PIK3R5: variants seen among roughly 807,000 people sequenced by gnomAD.
PIK3R5 encodes the protein phosphoinositide 3-kinase regulatory subunit 5.
In PIK3R5, 32 loss-of-function variants were observed where a neutral mutation model predicts 94.9. That is an observed-to-expected ratio of 0.34 (90% CI 0.25 to 0.45). PIK3R5 has a LOEUF of 0.45. Among genes scored for constraint, PIK3R5 ranks in the 20% least tolerant of loss-of-function variants. The pLI, the probability that PIK3R5 is intolerant of heterozygous loss-of-function variation, is 1.00. For missense variants in PIK3R5, 853 were observed against 1,144.6 expected, an observed-to-expected ratio of 0.75 and a Z score of 3.68; for synonymous variants, 443 against 479.4, an observed-to-expected ratio of 0.92 and a Z score of 0.99.
In PIK3R5 at chr17:8,911,562, C is replaced by T; in HGVS notation, c.-13-55G>A. The stretch of plus-strand genomic sequence containing the variant: ...GTCGAGCTCCTTTCCCAGAGAGCAC[C>T]TGGTCCAGTAAAGACAACAGGTGCT... On this transcript the variant is annotated intron_variant, in intron 1 of 18. Coordinates refer to ENST00000447110, the MANE Select transcript of PIK3R5 (RefSeq NM_001142633.3). The surrounding 1 kb of genome is among the most constrained non-coding windows in gnomAD (Gnocchi z 5.3). 8.3e-7 allele frequency: 1 copy of T among 1,203,798 alleles called. No homozygotes were observed. The highest frequency in any genetic ancestry group is 1.2e-6 in the Non-Finnish European group (1 of 836,060). The allele number at this position is 1,203,798 out of a possible 1,614,324, so 74.6% of individuals were successfully genotyped here. A position where few individuals can be genotyped will look rare whatever the true frequency, so the allele number is the denominator to read the frequency against.
intron 1 of PIK3R5, among the ~76,000 whole-genome samples, chr17:8,929,047 T>C (rs1289890331): frequency 6.6e-6 from 1 of 152,168 alleles, no homozygotes; most frequent in Non-Finnish European, 1.5e-5. Flanking sequence ...TGGACTGTGA[T>C]AAGTAACAAT....
chr17:8,879,004 T>C lies in PIK3R5; in HGVS notation c.*1635A>G, dbSNP rs2089594250. 6.6e-6 allele frequency: 1 copy of C among 152,162 alleles called. No homozygotes were observed. Among genetic ancestry groups the C allele is most frequent in the South Asian group, 2.1e-4 (1 of 4,830 alleles). 9.4% of individuals were successfully genotyped at this position (152,162 alleles called of 1,614,324 possible). A position where few individuals can be genotyped will look rare whatever the true frequency, so the allele number is the denominator to read the frequency against. ...CTGTTGATCACATAATAAGACAACC[T>C]GCCCATACAGCAAAAACATATTGAA... is the stretch of plus-strand genomic sequence containing the variant. On this transcript the variant is annotated 3_prime_UTR_variant, in exon 19 of 19. Coordinates refer to ENST00000447110, the MANE Select transcript of PIK3R5 (RefSeq NM_001142633.3). The surrounding 1 kb of genome is among the most constrained non-coding windows in gnomAD (Gnocchi z 4.4).
At chr17:8,917,747 T>C (rs2090658642) in intron 1 of PIK3R5, among the ~76,000 whole-genome samples, 1 of 152,092 alleles carries the variant, frequency 6.6e-6, no homozygotes, top group African/African-American at 2.4e-5. Context: ...GCGCCTGTAG[T>C]CCCAGCTACT....
At chr17:8,952,236 C>T (rs1029573093) in intron 1 of PIK3R5, among the ~76,000 whole-genome samples, 10 of 152,236 alleles carry the variant, frequency 6.6e-5, no homozygotes, top group African/African-American at 1.9e-4. Flanking sequence ...TATTTTGGGT[C>T]TCTCCAATCC....
intron 1 of PIK3R5, among the ~76,000 whole-genome samples, chr17:8,964,021 C>A (rs138897368): frequency 2.0e-5 from 3 of 152,160 alleles, no homozygotes; most frequent in Non-Finnish European, 4.4e-5. Flanking sequence ...CGAGGAAACA[C>A]GGAAGCCAGC....
intron 5 of PIK3R5, among the ~76,000 whole-genome samples, chr17:8,897,187 G>A (rs565281219): frequency 5.9e-5 from 9 of 152,328 alleles, no homozygotes; most frequent in East Asian, 3.9e-4. Flanking sequence ...GGTGAAGCAC[G>A]GATTTCAGGT....
rs746332383 is a variant in PIK3R5, at chr17:8,896,529, G to A, written c.413-2874C>T. The stretch of plus-strand genomic sequence containing the variant: ...TTGAGAGAAGTCACCCCATACAGGC[G>A]AAGAACGGGGTGAGTGGGCAGAACA... On this transcript the variant is annotated intron_variant, in intron 5 of 18. Coordinates refer to ENST00000447110, the MANE Select transcript of PIK3R5 (RefSeq NM_001142633.3). This position sits in a 1 kb window ranked among gnomAD's most constrained non-coding sequence, Gnocchi z 4.0. Among the ~76,000 whole-genome samples, 8 of 152,194 alleles carry A rather than the reference G, an allele frequency of 5.3e-5. No individual in the cohort carries two copies. The highest frequency in any genetic ancestry group is 9.7e-5 in the African/African-American group (4 of 41,444).
intron 1 of PIK3R5, among the ~76,000 whole-genome samples, chr17:8,929,840 A>G (rs1171553626): frequency 1.3e-5 from 2 of 152,186 alleles, no homozygotes; most frequent in Non-Finnish European, 2.9e-5. Flanking sequence ...GTGAGGGATG[A>G]AAAACCAACT....
chr17:8,890,767 C>T lies in PIK3R5; in HGVS notation c.628G>A (p.Asp210Asn). The T allele has an allele frequency of 1.2e-6, 2 of 1,611,776 alleles. No individual in the cohort carries two copies. The highest frequency in any genetic ancestry group is 1.1e-5 in the South Asian group (1 of 90,540). Residue 210 changes from aspartate (D) to asparagine (N), a missense_variant, in exon 7 of 19, where the codon GAC becomes AAC. Asp to Asn is a conservative substitution (Grantham distance 23). This residue lies in a region of PIK3R5 where 161 missense variants were observed against 249.5 expected (regional missense o/e 0.65). Coordinates refer to ENST00000447110, the MANE Select transcript of PIK3R5 (RefSeq NM_001142633.3). This position sits in a 1 kb window ranked among gnomAD's most constrained non-coding sequence, Gnocchi z 6.1. ...AFQATFGAHC[D>N]VPGLHCRLQA... Reference sequence around the variant, plus strand: ...AGCCTGCAGTGCAGGCCCGGGACGTCACAGTGGGCCCCAAAGGTGGCCTGG... The same window carrying T: ...AGCCTGCAGTGCAGGCCCGGGACGTTACAGTGGGCCCCAAAGGTGGCCTGG...
intron 1 of PIK3R5, among the ~76,000 whole-genome samples, chr17:8,957,908 G>C (rs889401647): frequency 6.6e-6 from 1 of 152,226 alleles, no homozygotes; most frequent in African/African-American, 2.4e-5. Context: ...GTCACAGGGC[G>C]TGGGAGAAGG....
At chr17:8,901,887 T>C (rs948381910) in intron 5 of PIK3R5, among the ~76,000 whole-genome samples, 3 of 152,212 alleles carry the variant, frequency 2.0e-5, no homozygotes, top group Non-Finnish European at 4.4e-5. Context: ...AAGGATGCGT[T>C]GATGAACGTC....
intron 1 of PIK3R5, among the ~76,000 whole-genome samples, chr17:8,928,593 T>C (rs2090933008): frequency 6.6e-6 from 1 of 152,164 alleles, no homozygotes; most frequent in Non-Finnish European, 1.5e-5. Context: ...TAGAAGGAAG[T>C]GGAATAACAT....
intron 1 of PIK3R5, among the ~76,000 whole-genome samples, chr17:8,960,667 G>T (rs1597441781): frequency 6.6e-6 from 1 of 152,212 alleles, no homozygotes; most frequent in East Asian, 1.9e-4. Flanking sequence ...AAGATCACGT[G>T]GCTAGGAGTT....
chr17:8,922,644 A>T (rs1229203492), intron 1 of PIK3R5, among the ~76,000 whole-genome samples: 1 of 152,114 alleles, frequency 6.6e-6, no homozygotes, highest in Non-Finnish European at 1.5e-5. Context: ...TTGCATAAAA[A>T]TTGGCTGAGT....
chr17:8,933,367 A>G (rs2091019365), intron 1 of PIK3R5, among the ~76,000 whole-genome samples: 1 of 152,194 alleles, frequency 6.6e-6, no homozygotes, highest in African/African-American at 2.4e-5. Context: ...AATATTTTTA[A>G]ATAATGAAGA....
At position 8,905,693 on chromosome 17, in the gene PIK3R5, C is replaced by T. The variant is rs773267811; in HGVS notation, c.249G>A (p.Leu83=). The change falls in exon 4 of 19, where the codon CTG becomes CTA. Residue 83 remains leucine, a synonymous_variant. Transcript: ENST00000447110. ...CACAAAGAACAGTGGAATAGAAGAG[C>T]AGGGCCAGCGGGGTGAGCAGGTCGT... ...GTYDLLTPLA[L]LFYSTVLCTP... is the part of the protein sequence containing the mutation. 44 of 1,606,594 alleles carry T rather than the reference C, an allele frequency of 2.7e-5. No individual in the cohort carries two copies. The Admixed American group carries it at 7.1e-4, about 26-fold the overall frequency.
chr17:8,952,929 C>T (rs2091401844), intron 1 of PIK3R5, among the ~76,000 whole-genome samples: 1 of 152,172 alleles, frequency 6.6e-6, no homozygotes, highest in Non-Finnish European at 1.5e-5. Flanking sequence ...ACCATGGCTG[C>T]AACCCAATCC....
chr17:8,887,892 T>A (rs2089910067), intron 10 of PIK3R5, among the ~76,000 whole-genome samples: 1 of 149,874 alleles, frequency 6.7e-6, no homozygotes, highest in South Asian at 2.1e-4. Flanking sequence ...TCCCAGCTAC[T>A]CGGGAGGCTG....
Position 8,956,299 on chromosome 17 carries a change from G to A in PIK3R5, c.-14+9297C>T, listed in dbSNP as rs1402975639. On this transcript the variant is annotated intron_variant, in intron 1 of 18. Coordinates refer to ENST00000447110, the MANE Select transcript of PIK3R5 (RefSeq NM_001142633.3). ...CAGTGACCTGAAAGGAAGCCTTCCA[G>A]CAGAAGCATGGGCTAGAGGGTGGGT... Among the ~76,000 whole-genome samples, 3 of 152,136 alleles carry A rather than the reference G, an allele frequency of 2.0e-5. No individual in the cohort carries two copies. In the East Asian group the frequency reaches 5.8e-4, roughly 29 times the overall value.
Sources: gnomAD v4.1 joint callset for allele counts (sites outside exome capture counted in the v4.1 genomes callset) on GRCh38, gnomAD v4.1.1 for gene constraint, gnomAD v4.1.1 regional missense constraint, Gnocchi (gnomAD v3.1) non-coding constraint, MANE v1.5 for transcripts, NCBI Gene and HGNC (gene_info 2026-07-23, HGNC 2026-07-21) for gene names.